The following NOMO1 variants were observed in gnomAD, a reference collection of about 807,000 sequenced individuals.
NOMO1 encodes NODAL modulator 1.
Under a neutral mutation model 133.8 loss-of-function variants are expected in NOMO1, and 40 were observed. The ratio of observed to expected loss-of-function variants is 0.30; its 90% CI spans 0.23 to 0.39. The LOEUF is 0.39. Ranked by LOEUF, NOMO1 falls within the 10% of genes least tolerant of loss-of-function variation. The pLI is 1.00. For synonymous variants in NOMO1, 236 were observed against 570.5 expected (o/e 0.41, Z 8.36); for missense variants, 462 against 1,419.9 (o/e 0.33, Z 10.84).
chr16:14,873,040 CTG>C (rs1964101768), intron 18 of NOMO1, among the ~76,000 whole-genome samples: 1 of 107,838 alleles, frequency 9.3e-6, no homozygotes, highest in Admixed American at 1.1e-4. Context: ...GACTGAAAAA[CTG>C]AGAGTCTTCA....
At chr16:14,883,895 T>C (rs1291304474) in intron 26 of NOMO1, among the ~76,000 whole-genome samples, 2 of 151,534 alleles carry the variant, frequency 1.3e-5, no homozygotes, top group Non-Finnish European at 2.9e-5. Flanking sequence ...CTTCTCCTTT[T>C]TTTTTTAAGA....
intron 28 of NOMO1, among the ~76,000 whole-genome samples, chr16:14,887,462 T>A (rs1386371369): frequency 2.6e-5 from 4 of 151,436 alleles, no homozygotes; most frequent in Non-Finnish European, 5.9e-5. Flanking sequence ...CCCGGCTAAT[T>A]CTTTTTTTTT....
intron 23 of NOMO1, among the ~76,000 whole-genome samples, chr16:14,879,755 A>G (rs528581269): frequency 1.3e-5 from 2 of 149,450 alleles, no homozygotes; most frequent in East Asian, 2.0e-4. Context: ...AAAAAAAAAA[A>G]AAAGAAAAGA....
chr16:14,846,420 C>T (rs1426842318), intron 4 of NOMO1, among the ~76,000 whole-genome samples, 157 bp from the exon 5 acceptor site: 1 of 141,590 alleles, frequency 7.1e-6, no homozygotes, highest in Non-Finnish European at 1.5e-5. Flanking sequence ...CTACCTCATC[C>T]CCAGGAAACA....
Position 14,856,752 on chromosome 16 carries a change from A to G in NOMO1, c.964-465A>G, listed in dbSNP as rs1009355705. Among the ~76,000 whole-genome samples, 4 of 151,896 alleles carry G rather than the reference A, an allele frequency of 2.6e-5. No individual in the cohort carries two copies. The South Asian group carries it at 8.3e-4, about 32-fold the overall frequency. ...AGGACCTGTGTTCAGGTCGTGGTGG[A>G]AAGACAGGAGGGGGCACGTGAGACC... On this transcript the variant is annotated intron_variant, in intron 9 of 30. Transcript: ENST00000287667.
At position 14,883,812 on chromosome 16, in the gene NOMO1, G is replaced by A. The variant is rs1336851238; in HGVS notation, c.3112-560G>A. 2.6e-4 allele frequency among the ~76,000 whole-genome samples: 39 copies of A among 151,090 alleles called. 1 individual carries two copies. Among genetic ancestry groups the A allele is most frequent in the African/African-American group, 9.5e-4 (39 of 40,876 alleles). Reference sequence around the variant, plus strand: ...AAGGGGGCCGGCCCTCTGGGATCTCGCAAACTCCATGTACAGACCTCACGC... The same window carrying A: ...AAGGGGGCCGGCCCTCTGGGATCTCACAAACTCCATGTACAGACCTCACGC... On this transcript the variant is annotated intron_variant, in intron 26 of 30. Transcript: ENST00000287667.
At position 14,893,054 on chromosome 16, in the gene NOMO1, G is replaced by C. The variant is rs1205570255; in HGVS notation, c.3445-1944G>C. On this transcript the variant is annotated intron_variant, in intron 29 of 30. Coordinates refer to ENST00000287667, the MANE Select transcript of NOMO1 (RefSeq NM_014287.4). Reference sequence around the variant, plus strand: ...AGTTTCACAGCATCCACCCCCAGTGGGTGTTGTTCATATGATCTCCATGTC... The same window carrying C: ...AGTTTCACAGCATCCACCCCCAGTGCGTGTTGTTCATATGATCTCCATGTC... 4.0e-5 allele frequency among the ~76,000 whole-genome samples: 6 copies of C among 149,924 alleles called. No individual in the cohort carries two copies. The East Asian group carries it at 9.7e-4, about 24-fold the overall frequency.
At chr16:14,847,881 T>G (rs1322571246) in intron 5 of NOMO1, among the ~76,000 whole-genome samples, 1 of 151,946 alleles carries the variant, frequency 6.6e-6, no homozygotes, top group East Asian at 1.9e-4. Context: ...TCTCCAGGCC[T>G]GGTGTGTAGC....
intron 11 of NOMO1, among the ~76,000 whole-genome samples, chr16:14,861,707 C>T (rs564988441): frequency 2.6e-5 from 4 of 151,488 alleles, no homozygotes; most frequent in South Asian, 4.2e-4. Context: ...GTGAGCCATA[C>T]GGTCTCTAGG....
At chr16:14,883,905 A>G (rs1245636519) in intron 26 of NOMO1, among the ~76,000 whole-genome samples, 1 of 150,662 alleles carries the variant, frequency 6.6e-6, no homozygotes, top group Non-Finnish European at 1.5e-5. Flanking sequence ...TTTTTTTAAG[A>G]GAAGCTGGAA....
chr16:14,885,092 A>T (rs1964303947), intron 27 of NOMO1, among the ~76,000 whole-genome samples: 1 of 152,020 alleles, frequency 6.6e-6, no homozygotes, highest in African/African-American at 2.4e-5. Context: ...CTTTTAAATG[A>T]TCAGATCTCA....
chr16:14,887,491 G>A (rs564677630), intron 28 of NOMO1, among the ~76,000 whole-genome samples: 6 of 151,420 alleles, frequency 4.0e-5, no homozygotes, highest in Middle Eastern at 3.4e-3. Flanking sequence ...TAGTAGAGAC[G>A]GGGTTTCACC....
Position 14,892,686 on chromosome 16 carries a change from G to A in NOMO1, c.3445-2312G>A, listed in dbSNP as rs567863847. 7.9e-3 allele frequency among the ~76,000 whole-genome samples: 1,176 copies of A among 149,692 alleles called. 24 individuals are homozygous for A. Among genetic ancestry groups the A allele is most frequent in the African/African-American group, 0.027 (1,104 of 40,658 alleles). Reference sequence around the variant, plus strand: ...GGGCCAAGTGTTGAATGAAGAGAGCGCCCACTCTGTGCCACCCCGTACAGG... The same window carrying A: ...GGGCCAAGTGTTGAATGAAGAGAGCACCCACTCTGTGCCACCCCGTACAGG... On this transcript the variant is annotated intron_variant, in intron 29 of 30. Transcript: ENST00000287667.
chr16:14,839,853 T>C (rs1963579664), intron 2 of NOMO1, among the ~76,000 whole-genome samples: 1 of 150,774 alleles, frequency 6.6e-6, no homozygotes, highest in South Asian at 2.1e-4. Context: ...GTGATTCTTC[T>C]GCCTCAGCCT....
At chr16:14,837,747 A>AT (rs59879841) in intron 1 of NOMO1, among the ~76,000 whole-genome samples, 4 of 133,984 alleles carry the variant, frequency 3.0e-5, no homozygotes, top group East Asian at 2.1e-4. Flanking sequence ...ATTTTACTTT[A>AT]TTTTTTTTTA....
At chr16:14,880,874 GTAGA>G (rs1964232717) in intron 24 of NOMO1, among the ~76,000 whole-genome samples, 1 of 150,390 alleles carries the variant, frequency 6.6e-6, no homozygotes, top group Non-Finnish European at 1.5e-5. Flanking sequence ...GCTCCCAGCT[GTAGA>G]TAGATAGATA....
chr16:14,841,021 A>G (rs1186101616), intron 2 of NOMO1, among the ~76,000 whole-genome samples: 1 of 151,250 alleles, frequency 6.6e-6, no homozygotes, highest in African/African-American at 2.4e-5. Flanking sequence ...TAACTTGTGC[A>G]ACTGTAGGCA....
intron 17 of NOMO1, among the ~76,000 whole-genome samples, chr16:14,872,019 G>A (rs182178786): frequency 6.6e-6 from 1 of 152,180 alleles, no homozygotes; most frequent in East Asian, 1.9e-4. Flanking sequence ...ACAGAAGTGT[G>A]TGGGTTTCAC....
chr16:14,876,910 TC>T, intron 22 of NOMO1, 120 bp downstream of exon 22: 1 of 1,050,512 alleles, frequency 9.5e-7, no homozygotes, highest in Non-Finnish European at 1.3e-6. Context: ...TGAAAACACC[TC>T]CACAATTAAA....
Sources: allele counts gnomAD v4.1 joint callset (sites outside exome capture counted in the v4.1 genomes callset), GRCh38; gene constraint gnomAD v4.1.1; transcripts MANE v1.5; gene names NCBI Gene and HGNC (gene_info 2026-07-23, HGNC 2026-07-21).